Variants in ANKHD1 observed in about 807,000 individuals in gnomAD.
The protein encoded by ANKHD1 is ankyrin repeat and KH domain containing 1.
ANKHD1 carries 31 observed loss-of-function variants against 230.5 expected under a neutral mutation model. The ratio of observed to expected loss-of-function variants is 0.13; its 90% CI spans 0.10 to 0.18. ANKHD1 has a LOEUF of 0.18. Ranked by LOEUF, ANKHD1 falls within the 10% of genes least tolerant of loss-of-function variation. The probability of loss-of-function intolerance (pLI) is 1.00; values close to 1 mark genes in which losing one functional copy is unlikely to be tolerated. For synonymous variants in ANKHD1, 1,074 were observed against 1,117.6 expected (o/e 0.96, Z 0.78); for missense variants, 2,256 against 3,071.3 (o/e 0.73, Z 6.27).
chr5:140,497,618 A>G (rs1752089906), intron 15 of ANKHD1, among the ~76,000 whole-genome samples: 2 of 152,214 alleles, frequency 1.3e-5, no homozygotes, highest in East Asian at 1.9e-4. Context: ...AAGTATTCGT[A>G]TAAGATTATA....
chr5:140,455,276 A>C (rs1323433116), intron 7 of ANKHD1, among the ~76,000 whole-genome samples: 1 of 152,240 alleles, frequency 6.6e-6, no homozygotes, highest in Non-Finnish European at 1.5e-5. Flanking sequence ...GCTGAATTCT[A>C]CCAGAGGTAC....
intron 7 of ANKHD1, 97 bp downstream of exon 7, chr5:140,449,402 C>A (rs529203047): frequency 2.2e-6 from 3 of 1,351,974 alleles, no homozygotes; most frequent in East Asian, 5.4e-5. Context: ...CGGTGGCTCA[C>A]GCCTGTAATC....
chr5:140,499,514 T>C (rs902906249), intron 15 of ANKHD1, among the ~76,000 whole-genome samples: 1 of 152,180 alleles, frequency 6.6e-6, no homozygotes, highest in African/African-American at 2.4e-5. Context: ...TACATTTTAC[T>C]TTTTAAATAT....
At chr5:140,422,095 T>C (rs542336437) in intron 1 of ANKHD1, among the ~76,000 whole-genome samples, 149 of 152,244 alleles carry the variant, frequency 9.8e-4, no homozygotes, top group African/African-American at 3.5e-3. Flanking sequence ...GAGTCCTTGG[T>C]AGTTTAAGAA....
chr5:140,503,553 CTTTTTTT>C (rs70988767), intron 15 of ANKHD1, among the ~76,000 whole-genome samples: 5 of 51,418 alleles, frequency 9.7e-5, no homozygotes, highest in Non-Finnish European at 1.3e-4. Context: ...AGTTTTCTTT[CTTTTTTT>C]TTTTTTTTTT....
Position 140,405,178 on chromosome 5 carries a change from T to G in ANKHD1, c.306+2905T>G, listed in dbSNP as rs542505359. Among the ~76,000 whole-genome samples the G allele has an allele frequency of 1.4e-4, 21 of 152,300 alleles. No homozygotes were observed. The South Asian group carries it at 2.1e-3, about 15-fold the overall frequency. On this transcript the variant is annotated intron_variant, in intron 1 of 33. Coordinates refer to ENST00000360839, the MANE Select transcript of ANKHD1 (RefSeq NM_017747.3). ...AAGAGCCCCATATTCTCCTGTTTAC[T>G]TATGTTTTCTGTGCCTAAAAGGATT...
At chr5:140,442,033 C>CTTTTTTTTTTT (rs901282726) in intron 5 of ANKHD1, among the ~76,000 whole-genome samples, 2 of 86,924 alleles carry the variant, frequency 2.3e-5, no homozygotes, top group Non-Finnish European at 2.2e-5. Flanking sequence ...ATAAGATATT[C>CTTTTTTTTTTT]TTTTTTTTTT....
intron 1 of ANKHD1, among the ~76,000 whole-genome samples, chr5:140,415,112 G>T (rs1771252193): frequency 6.6e-6 from 1 of 152,002 alleles, no homozygotes; most frequent in East Asian, 1.9e-4. Flanking sequence ...TTTCAGGCGT[G>T]GTGGTTCACA....
At chr5:140,490,353 A>G (rs183022588) in intron 14 of ANKHD1, among the ~76,000 whole-genome samples, 3 of 152,078 alleles carry the variant, frequency 2.0e-5, no homozygotes, top group Non-Finnish European at 4.4e-5. Flanking sequence ...CAGGTGTTTG[A>G]TATATGTTCT....
intron 6 of ANKHD1, 136 bp from the exon 7 acceptor site, chr5:140,449,075 T>TA (rs1774504567): frequency 1.1e-6 from 1 of 920,248 alleles, no homozygotes; most frequent in Non-Finnish European, 1.6e-6. Context: ...GTAAAACTGT[T>TA]ACTGATTTAT....
chr5:140,435,974 C>A, intron 1 of ANKHD1, 130 bp from the exon 2 acceptor site: 1 of 1,223,558 alleles, frequency 8.2e-7, no homozygotes. Context: ...TCCCATACTC[C>A]CTTGTTTCTA....
intron 10 of ANKHD1, among the ~76,000 whole-genome samples, chr5:140,468,021 G>A (rs938169209): frequency 1.7e-5 from 2 of 115,448 alleles, no homozygotes; most frequent in African/African-American, 7.0e-5. Flanking sequence ...TCATAGATAT[G>A]TTCTCAGTTT....
chr5:140,510,547 GT>G (rs1466116691), intron 22 of ANKHD1, among the ~76,000 whole-genome samples: 71 of 151,852 alleles, frequency 4.7e-4, no homozygotes, highest in African/African-American at 1.6e-3. Context: ...TCCTGACTTT[GT>G]GATCTGCCTG....
At chr5:140,417,833 C>CTTTTTT (rs35322010) in intron 1 of ANKHD1, among the ~76,000 whole-genome samples, 5 of 106,780 alleles carry the variant, frequency 4.7e-5, no homozygotes, top group East Asian at 2.8e-4. Flanking sequence ...CCCATATAGT[C>CTTTTTT]TTTTTTTTTT....
intron 5 of ANKHD1, 138 bp from the exon 6 acceptor site, chr5:140,445,604 G>T: frequency 2.5e-6 from 2 of 808,086 alleles, no homozygotes; most frequent in Non-Finnish European, 3.3e-6. Flanking sequence ...AATTGAAGAG[G>T]TATACCTAGA....
Position 140,458,766 on chromosome 5 carries a change from G to A in ANKHD1, c.1384G>A (p.Ala462Thr), listed in dbSNP as rs1775409277. ...GGCAGCTCTACTTATTGAAAGGGGA[G>A]CAAATCTTGAAGAAGTTAATGATGA... Reference protein sequence around the residue: ...ELAALLIERGANLEEVNDEGY... With the variant: ...ELAALLIERGTNLEEVNDEGY... The change falls in exon 8 of 34, where the codon GCA becomes ACA. Residue 462 changes from alanine to threonine, a missense_variant. Coordinates refer to ENST00000360839, the MANE Select transcript of ANKHD1 (RefSeq NM_017747.3). 6.2e-7 allele frequency: 1 copy of A among 1,613,204 alleles called. No individual in the cohort carries two copies. Among genetic ancestry groups the A allele is most frequent in the Non-Finnish European group, 8.5e-7 (1 of 1,179,756 alleles).
intron 7 of ANKHD1, among the ~76,000 whole-genome samples, chr5:140,451,692 A>G (rs1240669052): frequency 1.3e-5 from 2 of 152,086 alleles, no homozygotes; most frequent in South Asian, 2.1e-4. Flanking sequence ...TATTTTTTGT[A>G]GGAACATGGT....
chr5:140,443,977 C>G (rs1336512097), intron 5 of ANKHD1, among the ~76,000 whole-genome samples: 2 of 151,126 alleles, frequency 1.3e-5, no homozygotes, highest in Non-Finnish European at 2.9e-5. Context: ...TTCTAAAGTT[C>G]TTTGGAAGAC....
chr5:140,471,207 A>C (rs1029350913), intron 10 of ANKHD1, among the ~76,000 whole-genome samples: 3 of 152,126 alleles, frequency 2.0e-5, no homozygotes, highest in Admixed American at 1.3e-4. Context: ...AGTTTCTTCT[A>C]TTCTTCCAAT....
Sources: allele counts gnomAD v4.1 joint callset (sites outside exome capture counted in the v4.1 genomes callset), GRCh38; gene constraint gnomAD v4.1.1; transcripts MANE v1.5; gene names NCBI Gene and HGNC (gene_info 2026-07-23, HGNC 2026-07-21).